Variants in ADGRV1 observed in about 807,000 individuals in gnomAD.
The protein encoded by ADGRV1 is G-protein coupled receptor 98.
In ADGRV1, 359 loss-of-function variants were observed where a neutral mutation model predicts 596.2. The ratio of observed to expected loss-of-function variants is 0.60; its 90% CI spans 0.55 to 0.66. ADGRV1 has a LOEUF of 0.66. ADGRV1 is among the 30% of genes least tolerant of loss of function. The pLI is 0.00. For missense variants in ADGRV1, 7,274 were observed against 7,575.6 expected, an observed-to-expected ratio of 0.96 and a Z score of 1.48; for synonymous variants, 2,681 against 2,679.2, an observed-to-expected ratio of 1.00 and a Z score of -0.02.
intron 83 of ADGRV1, among the ~76,000 whole-genome samples, chr5:90,942,525 AG>A (rs1166680393): frequency 6.6e-6 from 1 of 152,178 alleles, no homozygotes; most frequent in African/African-American, 2.4e-5. Flanking sequence ...CAGTGGGGTC[AG>A]GTTAAAGATT....
At chr5:90,996,114 G>T (rs1466531540) in intron 85 of ADGRV1, among the ~76,000 whole-genome samples, 2 of 152,220 alleles carry the variant, frequency 1.3e-5, no homozygotes, top group African/African-American at 4.8e-5. Flanking sequence ...CAAGCCAACT[G>T]CAGAAAATTG....
chr5:90,833,503 T>TCAA (rs1440809004), intron 77 of ADGRV1, among the ~76,000 whole-genome samples: 2 of 152,152 alleles, frequency 1.3e-5, no homozygotes, highest in African/African-American at 2.4e-5. Context: ...CAGGCTGGTC[T>TCAA]CAAACTCCTG....
chr5:90,661,033 A>G (rs4916811), intron 21 of ADGRV1, among the ~76,000 whole-genome samples: 79,421 of 151,660 alleles, frequency 0.52, 21,262 homozygotes, highest in East Asian at 0.8. Context: ...AGGCATGCCA[A>G]ATAGTGCTTT....
intron 87 of ADGRV1, among the ~76,000 whole-genome samples, chr5:91,109,620 C>T (rs1190249767): frequency 6.6e-6 from 1 of 152,206 alleles, no homozygotes; most frequent in African/African-American, 2.4e-5. Flanking sequence ...GACTCACCTC[C>T]TGCCAGCTTT....
chr5:90,713,786 G>A (rs996560574), intron 42 of ADGRV1, among the ~76,000 whole-genome samples: 1 of 152,114 alleles, frequency 6.6e-6, no homozygotes, highest in East Asian at 1.9e-4. Flanking sequence ...AAATCTGATT[G>A]AAATTACATA....
At chr5:91,128,055 T>C (rs1258529576) in intron 87 of ADGRV1, among the ~76,000 whole-genome samples, 1 of 151,972 alleles carries the variant, frequency 6.6e-6, no homozygotes, top group East Asian at 1.9e-4. Flanking sequence ...TTTGGACATG[T>C]TGTCTGATCT....
intron 1 of ADGRV1, among the ~76,000 whole-genome samples, chr5:90,603,841 CT>C (rs1049204539): frequency 6.7e-6 from 1 of 148,894 alleles, no homozygotes; most frequent in African/African-American, 2.5e-5. Context: ...TCCTGGGACA[CT>C]GCATGGAGGC....
rs576858179 is a variant in ADGRV1 at position 91,072,305 on chromosome 5, C to A, written c.18153-142C>A. ...AATCAGATGTTGTACTCAAACAAAA[C>A]TTCAGTTTGGCAAACCAAAAATCTG... On this transcript the variant is annotated intron_variant, in intron 85 of 89. Transcript: ENST00000405460. The A allele has an allele frequency of 2.6e-4, 186 of 710,244 alleles. 1 individual carries two copies. The highest frequency in any genetic ancestry group is 2.0e-3 in the Middle Eastern group (5 of 2,524). 44.0% of individuals were successfully genotyped at this position (710,244 alleles called of 1,614,324 possible).
At chr5:90,700,852 A>G (rs1300275332) in intron 34 of ADGRV1, among the ~76,000 whole-genome samples, 3 of 152,114 alleles carry the variant, frequency 2.0e-5, no homozygotes, top group African/African-American at 7.2e-5. Context: ...TAGTATATGT[A>G]TGTCATGTAT....
intron 88 of ADGRV1, among the ~76,000 whole-genome samples, chr5:91,151,373 T>C: frequency 6.6e-6 from 1 of 152,212 alleles, no homozygotes; most frequent in East Asian, 1.9e-4. Flanking sequence ...TGTCAGGTGC[T>C]GGGGGTGAAA....
chr5:90,792,804 A>C (rs1760226473), intron 70 of ADGRV1: 1 of 152,194 alleles, frequency 6.6e-6, no homozygotes, highest in Non-Finnish European at 1.5e-5. Context: ...AGAGCCTTCC[A>C]TGGTAGCTCA....
intron 85 of ADGRV1, among the ~76,000 whole-genome samples, chr5:91,038,132 A>G (rs1249400268): frequency 2.6e-5 from 4 of 152,208 alleles, no homozygotes; most frequent in Non-Finnish European, 2.9e-5. Context: ...CACCTGTGGT[A>G]GGAATTGTCA....
intron 85 of ADGRV1, among the ~76,000 whole-genome samples, chr5:91,038,151 G>A (rs1251443908): frequency 6.6e-6 from 1 of 152,174 alleles, no homozygotes; most frequent in Non-Finnish European, 1.5e-5. Context: ...CAGGTGAAGA[G>A]TAGGGAAAAC....
intron 87 of ADGRV1, among the ~76,000 whole-genome samples, chr5:91,105,944 ACCTTT>A (rs1791827767): frequency 6.7e-6 from 1 of 149,592 alleles, no homozygotes; most frequent in African/African-American, 2.4e-5. Flanking sequence ...ATATTTATAA[ACCTTT>A]TATTTATATT....
chr5:91,150,993 A>G (rs1227373106), intron 88 of ADGRV1, among the ~76,000 whole-genome samples: 1 of 152,190 alleles, frequency 6.6e-6, no homozygotes, highest in African/African-American at 2.4e-5. Context: ...AGTGTCCAAG[A>G]TGTGCTTGGT....
chr5:90,925,382 T>A (rs1424748270), intron 83 of ADGRV1, among the ~76,000 whole-genome samples: 3 of 151,940 alleles, frequency 2.0e-5, no homozygotes, highest in African/African-American at 7.3e-5. Flanking sequence ...TATTTTATTC[T>A]CTTTGAAGCA....
intron 83 of ADGRV1, among the ~76,000 whole-genome samples, chr5:90,924,286 G>T (rs1375664889): frequency 2.7e-5 from 4 of 150,586 alleles, no homozygotes; most frequent in Admixed American, 1.3e-4. Context: ...ATCCTCTCCA[G>T]CACCTGTTGT....
intron 1 of ADGRV1, among the ~76,000 whole-genome samples, chr5:90,600,967 T>C (rs1761332281): frequency 6.6e-6 from 1 of 151,968 alleles, no homozygotes; most frequent in Non-Finnish European, 1.5e-5. Flanking sequence ...CCGAGCGCAG[T>C]GGCTCACGCC....
rs5869522 is a variant in ADGRV1 at position 90,813,132 on chromosome 5, CAAAAAAAAAAAAAAAAA to C, written c.16078+1810_16078+1826del. ...TGGGCGACAGAGTAAGACTCCGTCT[CAAAAAAAAAAAAAAAAA>C]AAAAAAAAAAAAAAATTTATTTGGC... is the stretch of plus-strand genomic sequence containing the variant. On this transcript the variant is annotated intron_variant, in intron 74 of 89. Transcript: ENST00000405460. 2.3e-3 allele frequency among the ~76,000 whole-genome samples: 82 copies of C among 34,928 alleles called. 12 individuals carry two copies. The East Asian group carries it at 0.088, about 37-fold the overall frequency. 22.9% of individuals were successfully genotyped at this position (34,928 alleles called of 152,430 possible). A position where few individuals can be genotyped will look rare whatever the true frequency, so the allele number is the denominator to read the frequency against.
Sources: gnomAD v4.1 joint callset for allele counts (sites outside exome capture counted in the v4.1 genomes callset) on GRCh38, gnomAD v4.1.1 for gene constraint, MANE v1.5 for transcripts, NCBI Gene and HGNC (gene_info 2026-07-23, HGNC 2026-07-21) for gene names.